Variants in RGS22 observed in about 807,000 individuals in gnomAD.
RGS22 encodes regulator of G-protein signaling 22.
Under a neutral mutation model 172.9 loss-of-function variants are expected in RGS22, and 148 were observed. That is an observed-to-expected ratio of 0.86 (90% confidence interval 0.75 to 0.98). RGS22 has a LOEUF of 0.98. RGS22 is among the 50% of genes least tolerant of loss of function. The pLI, the probability that RGS22 is intolerant of heterozygous loss-of-function variation, is 0.00. For missense variants in RGS22, 1,347 were observed against 1,440.8 expected (o/e 0.93, Z 1.05); for synonymous variants, 458 against 480.2 (o/e 0.95, Z 0.60).
At chr8:100,049,259 G>T (rs1821034569) in intron 10 of RGS22, among the ~76,000 whole-genome samples, 1 of 152,122 alleles carries the variant, frequency 6.6e-6, no homozygotes, top group South Asian at 2.1e-4. Flanking sequence ...CAAATTTACA[G>T]AACTATACAC....
chr8:99,968,189 C>G (rs549558823), intron 23 of RGS22, among the ~76,000 whole-genome samples: 1 of 152,214 alleles, frequency 6.6e-6, no homozygotes, highest in South Asian at 2.1e-4. Context: ...AACATCACAT[C>G]AACAAAAAGG....
chr8:100,052,201 A>G (rs1466911199), intron 10 of RGS22, among the ~76,000 whole-genome samples: 2 of 131,390 alleles, frequency 1.5e-5, no homozygotes, highest in South Asian at 4.3e-4. Context: ...ATATAAATAT[A>G]TAAACATATA....
chr8:100,062,394 T>G (rs748552798), intron 9 of RGS22, among the ~76,000 whole-genome samples, 197 bp downstream of exon 9: 33 of 151,616 alleles, frequency 2.2e-4, no homozygotes, highest in Non-Finnish European at 3.7e-4. Flanking sequence ...ACTTAAATAC[T>G]GTCCCACCTT....
At chr8:100,027,461 T>G (rs1360178306) in intron 14 of RGS22, among the ~76,000 whole-genome samples, 1 of 152,084 alleles carries the variant, frequency 6.6e-6, no homozygotes, top group Non-Finnish European at 1.5e-5. Flanking sequence ...TGTGATTCAA[T>G]GTAGTATATT....
At chr8:100,064,109 A>G in intron 7 of RGS22, 66 bp from the exon 8 acceptor site, 1 of 1,214,466 alleles carries the variant, frequency 8.2e-7, no homozygotes, top group Non-Finnish European at 1.1e-6. Flanking sequence ...TATTAAATAG[A>G]TGCTATAGAG....
chr8:100,039,931 TA>T, intron 13 of RGS22, 30 bp downstream of exon 13: 1 of 1,307,824 alleles, frequency 7.6e-7, no homozygotes. Flanking sequence ...AGTAAAATTA[TA>T]AAATTAAATT....
At chr8:99,989,103 C>T (rs900974996) in intron 20 of RGS22, among the ~76,000 whole-genome samples, 5 of 151,846 alleles carry the variant, frequency 3.3e-5, no homozygotes, top group South Asian at 2.1e-4. Flanking sequence ...AAAAAACAAA[C>T]ATTAAAAAAG....
intron 14 of RGS22, among the ~76,000 whole-genome samples, chr8:100,032,566 T>C (rs10283388): frequency 0.19 from 28,961 of 151,900 alleles, 2,956 homozygotes; most frequent in African/African-American, 0.26. Context: ...ACAATAATAA[T>C]GGGAGACTTT....
At chr8:100,002,521 C>A (rs1350088332) in intron 17 of RGS22, among the ~76,000 whole-genome samples, 157 bp from the exon 18 acceptor site, 1 of 152,092 alleles carries the variant, frequency 6.6e-6, no homozygotes, top group Non-Finnish European at 1.5e-5. Flanking sequence ...TATCTCTGAT[C>A]CCTTTCTAGG....
intron 20 of RGS22, among the ~76,000 whole-genome samples, chr8:99,988,933 C>G (rs895953407): frequency 6.6e-6 from 1 of 151,984 alleles, no homozygotes. Context: ...TAGACTGGGA[C>G]GTTTATTTAA....
intron 3 of RGS22, among the ~76,000 whole-genome samples, chr8:100,083,812 G>T (rs1160335204): frequency 1.3e-5 from 2 of 149,654 alleles, no homozygotes; most frequent in African/African-American, 4.9e-5. Context: ...ACCTAGAACT[G>T]ACCGCGTAAT....
At chr8:100,092,222 T>G (rs1812637327) in intron 3 of RGS22, among the ~76,000 whole-genome samples, 1 of 152,184 alleles carries the variant, frequency 6.6e-6, no homozygotes, top group Non-Finnish European at 1.5e-5. Context: ...AAATTTTCCC[T>G]GGAAAACAGT....
rs1369745075 is a variant in RGS22 at position 100,051,851 on chromosome 8, A to G, written c.1689+951T>C. ...TATATAAATGTTTATATATTTATAT[A>G]TTTATATATAAATGTTTATATATTT... is the stretch of plus-strand genomic sequence containing the variant. On this transcript the variant is annotated intron_variant, in intron 10 of 27. Transcript: ENST00000360863. Among the ~76,000 whole-genome samples the G allele has an allele frequency of 3.1e-4, 21 of 68,538 alleles. 7 individuals are homozygous for G. The highest frequency in any genetic ancestry group is 1.2e-3 in the Admixed American group (4 of 3,352). 45.0% of individuals were successfully genotyped at this position (68,538 alleles called of 152,430 possible). A position where few individuals can be genotyped will look rare whatever the true frequency, so the allele number is the denominator to read the frequency against.
intron 18 of RGS22, among the ~76,000 whole-genome samples, chr8:100,000,134 T>C (rs558550880): frequency 1.3e-5 from 2 of 152,214 alleles, no homozygotes; most frequent in South Asian, 4.1e-4. Context: ...AACAAGCTAC[T>C]AATAGCTTTT....
intron 4 of RGS22, among the ~76,000 whole-genome samples, chr8:100,074,173 CTGTCTAAAA>C (rs1470801926): frequency 1.7e-4 from 26 of 152,180 alleles, no homozygotes; most frequent in African/African-American, 6.0e-4. Flanking sequence ...CATACACAAG[CTGTCTAAAA>C]TGCCTACAGA....
chr8:99,975,383 C>T (rs1811820028), intron 23 of RGS22, among the ~76,000 whole-genome samples: 2 of 152,144 alleles, frequency 1.3e-5, no homozygotes, highest in South Asian at 2.1e-4. Flanking sequence ...TTATCAACAA[C>T]ACAGTTCACT....
chr8:100,093,453 G>T lies in RGS22; in HGVS notation c.111C>A (p.Ser37Arg). The T allele has an allele frequency of 1.3e-6, 2 of 1,568,054 alleles. No homozygotes were observed. Among genetic ancestry groups the T allele is most frequent in the Admixed American group, 1.7e-5 (1 of 57,294 alleles). ...FLVDYFNEFLSLPTFSEAIRF... is the reference protein window; with the variant it reads ...FLVDYFNEFLRLPTFSEAIRF... ...ATCATAATAATAAACTCACTGGAAG[G>T]CTTAGGAATTCATTAAAGTAGTCTA... The change falls in exon 3 of 28, where the codon AGC (serine) becomes AGA (arginine). Residue 37 changes from serine (S) to arginine (R), a missense_variant. Physicochemically the swap from Ser to Arg is moderately radical, Grantham distance 110. Coordinates refer to ENST00000360863, the MANE Select transcript of RGS22 (RefSeq NM_015668.5).
chr8:99,993,669 C>T (rs1426144636), intron 20 of RGS22, among the ~76,000 whole-genome samples: 2 of 152,120 alleles, frequency 1.3e-5, no homozygotes, highest in African/African-American at 4.8e-5. Flanking sequence ...GATTCACAGC[C>T]GAATTCTACC....
At chr8:100,089,776 T>C (rs1458706538) in intron 3 of RGS22, among the ~76,000 whole-genome samples, 1 of 152,208 alleles carries the variant, frequency 6.6e-6, no homozygotes. Flanking sequence ...TTTGGTCCAT[T>C]TCACACTATC....
Sources: allele counts gnomAD v4.1 joint callset (sites outside exome capture counted in the v4.1 genomes callset), GRCh38; gene constraint gnomAD v4.1.1; transcripts MANE v1.5; gene names NCBI Gene and HGNC (gene_info 2026-07-23, HGNC 2026-07-21).